TMEM65: variants seen among roughly 807,000 people sequenced by gnomAD.
The protein encoded by TMEM65 is transmembrane protein 65.
Under a neutral mutation model 25.4 loss-of-function variants are expected in TMEM65, and 22 were observed. That is an observed-to-expected ratio of 0.86 (90% confidence interval 0.62 to 1.23). TMEM65 has a LOEUF of 1.23. Among genes scored for constraint, TMEM65 ranks in the 50% most tolerant of loss-of-function variants. TMEM65 has a pLI of 0.00. For missense variants in TMEM65, 262 were observed against 308.2 expected, an observed-to-expected ratio of 0.85 and a Z score of 1.12; for synonymous variants, 132 against 126.2, an observed-to-expected ratio of 1.05 and a Z score of -0.31.
rs760080085 is a variant in TMEM65 at position 124,320,182 on chromosome 8, G to A, written c.525C>T (p.Gly175=). The A allele has an allele frequency of 1.2e-6, 2 of 1,611,962 alleles. No homozygotes were observed. Among genetic ancestry groups the A allele is most frequent in the Non-Finnish European group, 1.7e-6 (2 of 1,178,610 alleles). Reference sequence around the variant, plus strand: ...ACCTGGAAGCCAATGCTTCAACGTAGCCTGCAAGTCTTTGAAGAAACAAGA... The same window carrying A: ...ACCTGGAAGCCAATGCTTCAACGTAACCTGCAAGTCTTTGAAGAAACAAGA... The part of the protein sequence containing the change: ...VSDLAGLGLA[G]YVEALASRLG... The change falls in exon 6 of 7, where the codon GGC becomes GGT. Residue 175 remains glycine, a synonymous_variant. Coordinates refer to ENST00000297632, the MANE Select transcript of TMEM65 (RefSeq NM_194291.3).
At chr8:124,326,701 T>G (rs924839294) in intron 3 of TMEM65, among the ~76,000 whole-genome samples, 2 of 152,084 alleles carry the variant, frequency 1.3e-5, no homozygotes, top group Admixed American at 1.3e-4. Flanking sequence ...TGGATCTACT[T>G]CTGACTTTAG....
intron 2 of TMEM65, among the ~76,000 whole-genome samples, chr8:124,329,538 T>G (rs149560665): frequency 6.4e-4 from 97 of 152,082 alleles, no homozygotes; most frequent in African/African-American, 2.2e-3. Context: ...TAGTAAAAAC[T>G]TGGTCAGTAA....
chr8:124,356,098 G>A (rs1814776913), intron 1 of TMEM65, among the ~76,000 whole-genome samples: 1 of 152,140 alleles, frequency 6.6e-6, no homozygotes, highest in African/African-American at 2.4e-5. Flanking sequence ...ATCTCTACGA[G>A]TCAATCCTTA....
intron 6 of TMEM65, among the ~76,000 whole-genome samples, chr8:124,318,755 G>A (rs903714532): frequency 6.6e-6 from 1 of 152,116 alleles, no homozygotes; most frequent in African/African-American, 2.4e-5. Flanking sequence ...AGGTAATGTT[G>A]ATCCTGCTGA....
intron 1 of TMEM65, among the ~76,000 whole-genome samples, chr8:124,370,152 T>C (rs1159047273): frequency 6.6e-6 from 1 of 152,192 alleles, no homozygotes; most frequent in African/African-American, 2.4e-5. Context: ...TTAGGAAATG[T>C]AGCATTGCTA....
At chr8:124,348,084 A>C (rs762979398) in intron 1 of TMEM65, among the ~76,000 whole-genome samples, 3 of 151,878 alleles carry the variant, frequency 2.0e-5, no homozygotes, top group Non-Finnish European at 4.4e-5. Context: ...AGTAGCCAGG[A>C]TTACAGGCAT....
chr8:124,362,727 T>C (rs1043599127), intron 1 of TMEM65, among the ~76,000 whole-genome samples: 4 of 151,416 alleles, frequency 2.6e-5, no homozygotes, highest in Non-Finnish European at 4.4e-5. Flanking sequence ...AATTTGTTTA[T>C]AAGCTTTTAA....
intron 4 of TMEM65, among the ~76,000 whole-genome samples, chr8:124,322,866 G>C (rs1438380807): frequency 1.3e-5 from 2 of 151,922 alleles, no homozygotes; most frequent in African/African-American, 2.4e-5. Flanking sequence ...AATGATGGCA[G>C]GCGCCAGTAG....
At chr8:124,325,178 A>G (rs1222601906) in intron 3 of TMEM65, among the ~76,000 whole-genome samples, 1 of 152,004 alleles carries the variant, frequency 6.6e-6, no homozygotes, top group African/African-American at 2.4e-5. Context: ...GGAAGGAGGA[A>G]AACATCAAAT....
At chr8:124,337,055 A>C (rs545987420) in intron 1 of TMEM65, among the ~76,000 whole-genome samples, 54 of 152,092 alleles carry the variant, frequency 3.6e-4, no homozygotes, top group Non-Finnish European at 7.4e-4. Flanking sequence ...ATAACCTACC[A>C]AAACTAGCAG....
At chr8:124,330,707 A>C (rs1249663978) in intron 2 of TMEM65, 41 bp downstream of exon 2, 1 of 1,576,056 alleles carries the variant, frequency 6.3e-7, no homozygotes, top group Admixed American at 1.8e-5. Flanking sequence ...TCAAGGCCAA[A>C]AGACAGATGA....
intron 6 of TMEM65, among the ~76,000 whole-genome samples, chr8:124,318,774 C>A (rs1311433797): frequency 1.3e-5 from 2 of 152,100 alleles, no homozygotes; most frequent in Non-Finnish European, 2.9e-5. Flanking sequence ...GATGCTGGCA[C>A]CACATTTTGA....
intron 6 of TMEM65, among the ~76,000 whole-genome samples, chr8:124,315,585 T>G (rs1362150661): frequency 6.6e-6 from 1 of 152,172 alleles, no homozygotes; most frequent in Non-Finnish European, 1.5e-5. Flanking sequence ...CCTCCCAAAG[T>G]GCTGGAATTA....
At position 124,370,990 on chromosome 8, in the gene TMEM65, C is replaced by CT. The variant is rs1397212404; in HGVS notation, c.304+863dup. Among the ~76,000 whole-genome samples the CT allele has an allele frequency of 7.2e-5, 11 of 152,272 alleles. No homozygotes were observed. The East Asian group carries it at 2.1e-3, about 29-fold the overall frequency. The stretch of plus-strand genomic sequence containing the variant: ...ATTTTAGTCGTTTGCTCCTTTCATC[C>CT]TTTTTATTTTCTGAACTTTTAGCTT... On this transcript the variant is annotated intron_variant, in intron 1 of 6. Transcript: ENST00000297632.
Position 124,309,797 on chromosome 8 carries a change from T to C in TMEM65, c.*4163A>G, listed in dbSNP as rs1011745430. On this transcript the variant is annotated 3_prime_UTR_variant, in exon 7 of 7. Coordinates refer to ENST00000297632, the MANE Select transcript of TMEM65 (RefSeq NM_194291.3). The stretch of plus-strand genomic sequence containing the variant: ...TGGGCGCAGGGGCTCACGCCTGTAA[T>C]CCCAGCACTTTGGGAGGCCGAGACA... 2.0e-5 allele frequency: 3 copies of C among 152,332 alleles called. No homozygotes were observed. The highest frequency in any genetic ancestry group is 7.2e-5 in the African/African-American group (3 of 41,456). 9.4% of individuals were successfully genotyped at this position (152,332 alleles called of 1,614,324 possible). A position where few individuals can be genotyped will look rare whatever the true frequency, so the allele number is the denominator to read the frequency against.
At chr8:124,323,519 T>C (rs187981545) in intron 3 of TMEM65, 144 bp from the exon 4 acceptor site, 163 of 358,634 alleles carry the variant, frequency 4.5e-4, no homozygotes, top group African/African-American at 2.9e-3. Flanking sequence ...ACATATAATA[T>C]AGTAATTCAT....
chr8:124,317,219 ATTAAT>A (rs1170103242), intron 6 of TMEM65, among the ~76,000 whole-genome samples: 1 of 152,140 alleles, frequency 6.6e-6, no homozygotes, highest in East Asian at 1.9e-4. Context: ...CTAACTTAAC[ATTAAT>A]TTTATATTTT....
At position 124,350,249 on chromosome 8, in the gene TMEM65, T is replaced by G. The variant is rs564597302; in HGVS notation, c.305-19457A>C. On this transcript the variant is annotated intron_variant, in intron 1 of 6. Transcript: ENST00000297632. ...TGACATTATACATACAGTCTGAGTT[T>G]TATTTAACTCTTATCCCTACAAAAT... Among the ~76,000 whole-genome samples the G allele has an allele frequency of 2.6e-5, 4 of 152,138 alleles. No individual in the cohort carries two copies. The East Asian group carries it at 7.7e-4, about 29-fold the overall frequency.
chr8:124,365,744 A>T (rs1267717942), intron 1 of TMEM65, among the ~76,000 whole-genome samples: 1 of 152,202 alleles, frequency 6.6e-6, no homozygotes, highest in African/African-American at 2.4e-5. Flanking sequence ...TCCAGGAACC[A>T]AGGAATCCCA....
Sources: allele counts gnomAD v4.1 joint callset (sites outside exome capture counted in the v4.1 genomes callset), GRCh38; gene constraint gnomAD v4.1.1; transcripts MANE v1.5; gene names NCBI Gene and HGNC (gene_info 2026-07-23, HGNC 2026-07-21).